DENND2C: variants seen among roughly 807,000 people sequenced by gnomAD.
The protein encoded by DENND2C is DENN domain containing 2C.
DENND2C carries 72 observed loss-of-function variants against 112.4 expected under a neutral mutation model. That is an observed-to-expected ratio of 0.64 (90% CI 0.53 to 0.78). The LOEUF (loss-of-function observed/expected upper bound fraction) is 0.78. Among genes scored for constraint, DENND2C ranks in the 30% least tolerant of loss-of-function variants. The pLI is 0.00. For synonymous variants in DENND2C, 329 were observed against 381.6 expected (o/e 0.86, Z 1.61); for missense variants, 992 against 1,113.8 (o/e 0.89, Z 1.56).
chr1:114,632,822 G>A (rs1221776400), intron 3 of DENND2C, among the ~76,000 whole-genome samples: 1 of 151,876 alleles, frequency 6.6e-6, no homozygotes, highest in Non-Finnish European at 1.5e-5. Context: ...TCTGTATTTA[G>A]TGCCCATTTT....
At chr1:114,659,900 T>C (rs1281200009) in intron 1 of DENND2C, among the ~76,000 whole-genome samples, 1 of 150,934 alleles carries the variant, frequency 6.6e-6, no homozygotes, top group Admixed American at 6.6e-5. Flanking sequence ...ACGCGATCCT[T>C]CTACCTCAAT....
chr1:114,611,383 A>G (rs1460457086), intron 8 of DENND2C, among the ~76,000 whole-genome samples: 1 of 130,204 alleles, frequency 7.7e-6, no homozygotes, highest in Non-Finnish European at 1.6e-5. Flanking sequence ...TCTAGAAACT[A>G]ATTGCATTTC....
intron 12 of DENND2C, 58 bp from the exon 13 acceptor site, chr1:114,601,643 C>T: frequency 7.2e-7 from 1 of 1,385,178 alleles, no homozygotes; most frequent in South Asian, 1.2e-5. Context: ...TTTATTAATA[C>T]TAATTTGGAC....
intron 11 of DENND2C, among the ~76,000 whole-genome samples, chr1:114,603,370 C>A (rs1439629662): frequency 6.6e-6 from 1 of 151,992 alleles, no homozygotes; most frequent in Admixed American, 6.6e-5. Context: ...AACTCCTGAC[C>A]TCAGGTGATC....
intron 1 of DENND2C, among the ~76,000 whole-genome samples, chr1:114,657,994 T>C (rs923283898): frequency 6.6e-6 from 1 of 152,186 alleles, no homozygotes; most frequent in Non-Finnish European, 1.5e-5. Flanking sequence ...CCACTGGAAC[T>C]GAAGGTAAAT....
At chr1:114,651,773 T>C (rs564983849) in intron 2 of DENND2C, among the ~76,000 whole-genome samples, 3 of 152,288 alleles carry the variant, frequency 2.0e-5, no homozygotes, top group Admixed American at 1.3e-4. Flanking sequence ...TTTCCAACTC[T>C]TCTTCCTGAA....
intron 18 of DENND2C, among the ~76,000 whole-genome samples, chr1:114,594,211 G>A (rs1655276549): frequency 6.6e-6 from 1 of 152,160 alleles, no homozygotes; most frequent in Non-Finnish European, 1.5e-5. Flanking sequence ...ATGTGAGCAT[G>A]GACCTACAGG....
Position 114,587,498 on chromosome 1 carries a change from G to A in DENND2C, c.2669-25C>T, listed in dbSNP as rs1175301261. The stretch of plus-strand genomic sequence containing the variant: ...CCTACAAGGAAAAACTCATGTTGGT[G>A]AAACTGTGTAACACTCCAGACTGGG... On this transcript the variant is annotated intron_variant, in intron 19 of 20. Coordinates refer to ENST00000393274, the MANE Select transcript of DENND2C (RefSeq NM_001256404.2). 3.1e-6 allele frequency: 5 copies of A among 1,612,378 alleles called. No homozygotes were observed. In the Admixed American group the frequency reaches 6.7e-5, roughly 21 times the overall value.
intron 20 of DENND2C, chr1:114,586,961 G>C (rs543013470): frequency 6.2e-6 from 1 of 160,770 alleles, no homozygotes; most frequent in South Asian, 1.8e-4. Flanking sequence ...GCAATGGTGT[G>C]ATCTCTGCTC....
intron 16 of DENND2C, among the ~76,000 whole-genome samples, chr1:114,598,524 G>A (rs1217320368): frequency 2.0e-5 from 3 of 151,740 alleles, no homozygotes; most frequent in Admixed American, 6.6e-5. Flanking sequence ...TTTGGTGGGG[G>A]ATGGGGATGG....
intron 3 of DENND2C, among the ~76,000 whole-genome samples, chr1:114,641,179 C>T (rs1336969204): frequency 1.3e-5 from 2 of 150,790 alleles, no homozygotes; most frequent in Admixed American, 6.6e-5. Context: ...GCCTGTAATC[C>T]CAGTACCTGT....
At chr1:114,667,244 C>A (rs1657670321) in intron 1 of DENND2C, among the ~76,000 whole-genome samples, 1 of 152,174 alleles carries the variant, frequency 6.6e-6, no homozygotes, top group South Asian at 2.1e-4. Flanking sequence ...TAAATTCTAT[C>A]TATACTTCTT....
At chr1:114,638,115 G>A (rs1656706510) in intron 3 of DENND2C, among the ~76,000 whole-genome samples, 1 of 152,142 alleles carries the variant, frequency 6.6e-6, no homozygotes, top group Admixed American at 6.5e-5. Context: ...CAGCAGAAGA[G>A]CACAGAGTCC....
intron 18 of DENND2C, among the ~76,000 whole-genome samples, chr1:114,589,948 T>A (rs547740797): frequency 6.6e-6 from 1 of 152,210 alleles, no homozygotes; most frequent in Non-Finnish European, 1.5e-5. Flanking sequence ...AATTTTGTAT[T>A]TGTTATTCCC....
At chr1:114,595,105 T>C (rs1454912205) in intron 17 of DENND2C, among the ~76,000 whole-genome samples, 1 of 152,230 alleles carries the variant, frequency 6.6e-6, no homozygotes, top group Non-Finnish European at 1.5e-5. Context: ...TATGTGTGTC[T>C]GTTTCTCCCC....
At chr1:114,587,232 G>C (rs1655062305) in intron 20 of DENND2C, 155 bp downstream of exon 20, 4 of 760,304 alleles carry the variant, frequency 5.3e-6, no homozygotes, top group South Asian at 1.6e-5. Context: ...TTTTGTGTAG[G>C]GATGGGGTCT....
intron 8 of DENND2C, among the ~76,000 whole-genome samples, chr1:114,616,187 C>T: frequency 6.6e-6 from 1 of 152,094 alleles, no homozygotes; most frequent in Non-Finnish European, 1.5e-5. Flanking sequence ...GTCAGGAGTT[C>T]AAGATCAGCC....
chr1:114,626,025 G>C lies in DENND2C; in HGVS notation c.-41C>G. 6.6e-7 allele frequency: 1 copy of C among 1,526,070 alleles called. No individual in the cohort carries two copies. The highest frequency in any genetic ancestry group is 8.9e-7 in the Non-Finnish European group (1 of 1,124,306). 94.5% of individuals were successfully genotyped at this position (1,526,070 alleles called of 1,614,324 possible). A position where few individuals can be genotyped will look rare whatever the true frequency, so the allele number is the denominator to read the frequency against. On this transcript the variant is annotated 5_prime_UTR_variant, in exon 4 of 21. Coordinates refer to ENST00000393274, the MANE Select transcript of DENND2C (RefSeq NM_001256404.2). ...AATGACAAGTGATGAATCTTACAAA[G>C]GTTCCATTACAAGTAAATGTGAAAT...
rs755808891 is a variant in DENND2C, at chr1:114,643,467, G to A, written c.-205+1981C>T. The stretch of plus-strand genomic sequence containing the variant: ...CAAATAATAAAGGACCAGACTAATA[G>A]GGAAAAAAAGTGTCAAACAGGCTTC... On this transcript the variant is annotated intron_variant, in intron 3 of 20. Coordinates refer to ENST00000393274, the MANE Select transcript of DENND2C (RefSeq NM_001256404.2). Among the ~76,000 whole-genome samples the A allele has an allele frequency of 6.1e-4, 93 of 152,162 alleles. 2 individuals carry two copies. The highest frequency in any genetic ancestry group is 1.2e-3 in the South Asian group (6 of 4,824).
Sources: gnomAD v4.1 joint callset for allele counts (sites outside exome capture counted in the v4.1 genomes callset) on GRCh38, gnomAD v4.1.1 for gene constraint, MANE v1.5 for transcripts, NCBI Gene and HGNC (gene_info 2026-07-23, HGNC 2026-07-21) for gene names.